Variants in ANKRD11 observed in about 807,000 individuals in gnomAD.
ANKRD11 encodes ankyrin repeat domain 11.
ANKRD11 carries 17 observed loss-of-function variants against 195.7 expected under a neutral mutation model. That is an observed-to-expected ratio of 0.09 (90% confidence interval 0.06 to 0.13). The LOEUF (loss-of-function observed/expected upper bound fraction) is 0.13. Ranked by LOEUF, ANKRD11 falls within the 10% of genes least tolerant of loss-of-function variation. ANKRD11 has a pLI of 1.00. For missense variants in ANKRD11, 3,735 were observed against 3,566.1 expected (o/e 1.05, Z -1.21); for synonymous variants, 1,953 against 1,528.1 (o/e 1.28, Z -6.49).
In ANKRD11 at chr16:89,406,109, CA is replaced by C. The variant is rs1232899595; in HGVS notation, c.-60+12174del. ...TGGGTGACAAAGGGAGATTCCATCT[CA>C]AAAAAAAAAAAAAAAAAAACCTTCA... On this transcript the variant is annotated intron_variant, in intron 2 of 12. Coordinates refer to ENST00000301030, the MANE Select transcript of ANKRD11 (RefSeq NM_013275.6). Among the ~76,000 whole-genome samples, 372 of 49,668 alleles carry C rather than the reference CA, an allele frequency of 7.5e-3. 1 individual carries two copies. Among genetic ancestry groups the C allele is most frequent in the Middle Eastern group, 0.019 (2 of 106 alleles). The allele number at this position is 49,668 out of a possible 152,430, so 32.6% of individuals were successfully genotyped here.
rs186691334 is a variant in ANKRD11, at chr16:89,424,378, T to C, written c.-144-6010A>G. 5.8e-4 allele frequency among the ~76,000 whole-genome samples: 88 copies of C among 151,070 alleles called. 1 individual carries two copies. Among genetic ancestry groups the C allele is most frequent in the Admixed American group, 3.8e-3 (58 of 15,192 alleles). The stretch of plus-strand genomic sequence containing the variant: ...ATCACTTGAACCCAGGAGACGGAGG[T>C]TGCAGCAAGCCAAGATCACACCTCT... On this transcript the variant is annotated intron_variant, in intron 1 of 12. Coordinates refer to ENST00000301030, the MANE Select transcript of ANKRD11 (RefSeq NM_013275.6).
In ANKRD11 at chr16:89,280,700, C is replaced by T. The variant is rs907255990; in HGVS notation, c.5842G>A (p.Val1948Ile). 5 of 1,613,248 alleles carry T rather than the reference C, an allele frequency of 3.1e-6. No individual in the cohort carries two copies. The highest frequency in any genetic ancestry group is 2.5e-6 in the Non-Finnish European group (3 of 1,179,852). Reference sequence around the variant, plus strand: ...TGCTCGGAGGGGTGGGCCCACTCAACGGGCTCCTCGGTGATGACGGCGCTG... The same window carrying T: ...TGCTCGGAGGGGTGGGCCCACTCAATGGGCTCCTCGGTGATGACGGCGCTG... ...PFSAVITEEP[V>I]EWAHPSEQAL... The change falls in exon 9 of 13, where the codon GTT (valine) becomes ATT (isoleucine). Residue 1948 changes from valine (V) to isoleucine (I), a missense_variant. By Grantham distance (29) the Val-to-Ile change is conservative. Coordinates refer to ENST00000301030, the MANE Select transcript of ANKRD11 (RefSeq NM_013275.6).
chr16:89,361,737 G>C (rs1176423565), intron 2 of ANKRD11: 1 of 152,170 alleles, frequency 6.6e-6, no homozygotes, highest in Admixed American at 6.5e-5. Context: ...CAAGCTTAAG[G>C]ATCACAAGTT....
rs368357319 is a variant in ANKRD11 at position 89,450,582 on chromosome 16, C to G, written c.-144-32214G>C. On this transcript the variant is annotated intron_variant, in intron 1 of 12. Transcript: ENST00000301030. The stretch of plus-strand genomic sequence containing the variant: ...AGGGCTGACAATCCCAAGCTCTAAG[C>G]CTTTCTTGTGATTATCATTCCCAAA... Among the ~76,000 whole-genome samples the G allele has an allele frequency of 1.5e-4, 23 of 152,282 alleles. 1 individual carries two copies. The highest frequency in any genetic ancestry group is 5.1e-4 in the African/African-American group (21 of 41,574).
At chr16:89,380,188 C>T (rs1233110533) in intron 2 of ANKRD11, among the ~76,000 whole-genome samples, 1 of 152,176 alleles carries the variant, frequency 6.6e-6, no homozygotes, top group Non-Finnish European at 1.5e-5. Context: ...TCTCGGCTCA[C>T]TTCAACACCC....
intron 3 of ANKRD11, among the ~76,000 whole-genome samples, chr16:89,311,205 C>T (rs1832486022): frequency 6.6e-6 from 1 of 152,190 alleles, no homozygotes; most frequent in Non-Finnish European, 1.5e-5. Context: ...ATTGGAGGTT[C>T]AACCTTGAAT....
At chr16:89,485,207 G>A (rs966646153) in intron 1 of ANKRD11, among the ~76,000 whole-genome samples, 3 of 152,078 alleles carry the variant, frequency 2.0e-5, no homozygotes, top group Non-Finnish European at 4.4e-5. Flanking sequence ...TTTCTGGCTA[G>A]GCGCGGTAGT....
intron 1 of ANKRD11, among the ~76,000 whole-genome samples, chr16:89,436,845 G>A (rs922206349): frequency 6.6e-5 from 10 of 152,202 alleles, no homozygotes; most frequent in African/African-American, 2.2e-4. Context: ...TTGGACAATG[G>A]TATTGCCGAA....
intron 2 of ANKRD11, among the ~76,000 whole-genome samples, chr16:89,406,128 A>C (rs967422760): frequency 2.0e-5 from 3 of 151,838 alleles, no homozygotes; most frequent in Admixed American, 1.3e-4. Flanking sequence ...AAAAAAAAAA[A>C]ACCTTCAGCC....
intron 1 of ANKRD11, among the ~76,000 whole-genome samples, chr16:89,424,101 T>C (rs1332619554): frequency 6.6e-6 from 1 of 152,088 alleles, no homozygotes; most frequent in Non-Finnish European, 1.5e-5. Flanking sequence ...CTGCTGTGAC[T>C]GCCCCGGGTG....
intron 2 of ANKRD11, among the ~76,000 whole-genome samples, chr16:89,407,670 C>T (rs1393181770): frequency 6.6e-6 from 1 of 151,396 alleles, no homozygotes; most frequent in Non-Finnish European, 1.5e-5. Context: ...AACACACATA[C>T]ACACACACAC....
At position 89,282,031 on chromosome 16, in the gene ANKRD11, G is replaced by A; in HGVS notation, c.4511C>T (p.Thr1504Ile). The A allele has an allele frequency of 1.9e-6, 3 of 1,613,358 alleles. No individual in the cohort carries two copies. The highest frequency in any genetic ancestry group is 2.5e-6 in the Non-Finnish European group (3 of 1,179,940). ...GCGGGGCGGGCTGTCCTTGTCCCTG[G>A]TGGCGGGCTTCTGCTCGTCCCTGTG... is the stretch of plus-strand genomic sequence containing the variant. ...RHHRDEQKPATRDKDSPPRVL... is the reference protein window; with the variant it reads ...RHHRDEQKPAIRDKDSPPRVL... The change falls in exon 9 of 13, where the codon ACC (threonine) becomes ATC (isoleucine). Residue 1504 changes from threonine (T) to isoleucine (I), a missense_variant. Physicochemically the swap from Thr to Ile is moderately conservative, Grantham distance 89. Transcript: ENST00000301030.
chr16:89,469,198 A>G (rs776763131), intron 1 of ANKRD11, among the ~76,000 whole-genome samples: 1 of 152,064 alleles, frequency 6.6e-6, no homozygotes, highest in Non-Finnish European at 1.5e-5. Flanking sequence ...AAAGAGGAAA[A>G]AAAAGAAATA....
intron 4 of ANKRD11, among the ~76,000 whole-genome samples, chr16:89,295,090 A>G (rs1450629584): frequency 1.3e-5 from 2 of 152,326 alleles, no homozygotes; most frequent in East Asian, 3.9e-4. Context: ...CTAGGGACTA[A>G]GTGCGGCTAC....
intron 2 of ANKRD11, among the ~76,000 whole-genome samples, chr16:89,374,306 T>A (rs749095318): frequency 6.6e-6 from 1 of 152,018 alleles, no homozygotes; most frequent in Non-Finnish European, 1.5e-5. Context: ...AGAGCCGAGG[T>A]CAGCGAGTTA....
At chr16:89,356,812 A>C (rs2039502453) in intron 2 of ANKRD11, among the ~76,000 whole-genome samples, 1 of 151,910 alleles carries the variant, frequency 6.6e-6, no homozygotes, top group Non-Finnish European at 1.5e-5. Flanking sequence ...AGAAAAAAAA[A>C]GAACGTAATG....
chr16:89,448,841 G>A (rs1033092584), intron 1 of ANKRD11, among the ~76,000 whole-genome samples: 3 of 152,124 alleles, frequency 2.0e-5, no homozygotes, highest in Non-Finnish European at 4.4e-5. Flanking sequence ...TGCGGGCAGG[G>A]CAGGAGAGCT....
At chr16:89,356,799 A>G (rs1292170136) in intron 2 of ANKRD11, among the ~76,000 whole-genome samples, 1 of 149,388 alleles carries the variant, frequency 6.7e-6, no homozygotes, top group African/African-American at 2.6e-5. Context: ...AAAAAAAGAA[A>G]AAAGAAAAAA....
At chr16:89,462,630 C>G (rs1344001981) in intron 1 of ANKRD11, among the ~76,000 whole-genome samples, 1 of 151,760 alleles carries the variant, frequency 6.6e-6, no homozygotes, top group East Asian at 1.9e-4. Flanking sequence ...TGAGGAGCAC[C>G]TCTTCCCGGC....
Sources: gnomAD v4.1 joint callset for allele counts (sites outside exome capture counted in the v4.1 genomes callset) on GRCh38, gnomAD v4.1.1 for gene constraint, MANE v1.5 for transcripts, NCBI Gene and HGNC (gene_info 2026-07-23, HGNC 2026-07-21) for gene names.